The following GNPTAB variants were observed in gnomAD, a reference collection of about 807,000 sequenced individuals.
The protein encoded by GNPTAB is N-acetylglucosamine-1-phosphotransferase subunits alpha/beta.
Under a neutral mutation model 136.6 loss-of-function variants are expected in GNPTAB, and 92 were observed. The ratio of observed to expected loss-of-function variants is 0.67; its 90% CI spans 0.57 to 0.80. The LOEUF (loss-of-function observed/expected upper bound fraction) is 0.80. Among genes scored for constraint, GNPTAB ranks in the 30% least tolerant of loss-of-function variants. The pLI is 0.00. For missense variants in GNPTAB, 1,343 were observed against 1,501.8 expected, an observed-to-expected ratio of 0.89 and a Z score of 1.75; for synonymous variants, 512 against 535.1, an observed-to-expected ratio of 0.96 and a Z score of 0.60.
intron 7 of GNPTAB, among the ~76,000 whole-genome samples, chr12:101,776,102 C>T (rs1953259439): frequency 6.6e-6 from 1 of 152,212 alleles, no homozygotes; most frequent in Non-Finnish European, 1.5e-5. Flanking sequence ...TCTACATCTC[C>T]TCCACGTTTT....
Position 101,807,956 on chromosome 12 carries a change from G to A in GNPTAB, c.118-11194C>T, listed in dbSNP as rs12308642. ...AAGTGCTCTCCTATATAACAACAATGAACAATTGGAATTTGAAACTAAAAT... is the reference window on the plus strand; with the variant it reads ...AAGTGCTCTCCTATATAACAACAATAAACAATTGGAATTTGAAACTAAAAT... On this transcript the variant is annotated intron_variant, in intron 1 of 20. Transcript: ENST00000299314. Among the ~76,000 whole-genome samples, 553 of 152,166 alleles carry A rather than the reference G, an allele frequency of 3.6e-3. 3 individuals are homozygous for A. Among genetic ancestry groups the A allele is most frequent in the African/African-American group, 0.013 (532 of 41,514 alleles).
chr12:101,764,649 ATC>A lies in GNPTAB; in HGVS notation c.2266_2267del (p.Asp756Ter). ...GAGCCACCAAACTGTCATTTGTTTC[ATC>A]TGTTATTATAGCTTGATTTTTTATT... ...AKIKNQAIIT[D>X]ETNDSLVAPQ... On this transcript the variant is annotated frameshift_variant, in exon 13 of 21. Coordinates refer to ENST00000299314, the MANE Select transcript of GNPTAB (RefSeq NM_024312.5). LOFTEE classifies it high-confidence loss of function. 1.2e-6 allele frequency: 2 copies of A among 1,613,212 alleles called. No homozygotes were observed. The highest frequency in any genetic ancestry group is 1.7e-6 in the Non-Finnish European group (2 of 1,179,832).
chr12:101,764,588 T>C lies in GNPTAB; in HGVS notation c.2329A>G (p.Asn777Asp), dbSNP rs1953056835. Residue 777 changes from asparagine to aspartate, a missense_variant, in exon 13 of 21, where the codon AAC becomes GAC. By Grantham distance (23) the Asn-to-Asp change is conservative. Coordinates refer to ENST00000299314, the MANE Select transcript of GNPTAB (RefSeq NM_024312.5). Reference protein sequence around the residue: ...EKQVHKSILPNSLGVSERLQR... With the variant: ...EKQVHKSILPDSLGVSERLQR... ...AATCTTTCAGACACTCCTAAGCTGT[T>C]TGGCAAGATGCTTTTATGAACCTGT... The C allele has an allele frequency of 1.9e-6, 3 of 1,614,116 alleles. No individual in the cohort carries two copies. The highest frequency in any genetic ancestry group is 1.3e-5 in the African/African-American group (1 of 75,052).
rs570721990 is a variant in GNPTAB, at chr12:101,828,191, T to G, written c.117+2368A>C. The stretch of plus-strand genomic sequence containing the variant: ...GACCATTTAATGAGGGTCTGTTATG[T>G]AGTAGGAACTGTGTGAGGTGCTTTA... On this transcript the variant is annotated intron_variant, in intron 1 of 20. Coordinates refer to ENST00000299314, the MANE Select transcript of GNPTAB (RefSeq NM_024312.5). 6.7e-4 allele frequency among the ~76,000 whole-genome samples: 102 copies of G among 152,348 alleles called. No individual in the cohort carries two copies. The Middle Eastern group carries it at 0.01, about 15-fold the overall frequency.
chr12:101,772,668 G>A (rs566912049), intron 7 of GNPTAB, among the ~76,000 whole-genome samples: 105 of 152,244 alleles, frequency 6.9e-4, no homozygotes, highest in Non-Finnish European at 1.3e-3. Flanking sequence ...TGGGAGGCAG[G>A]CCACACAGGG....
chr12:101,801,539 C>CAAAAAAAAAAA (rs36066248), intron 1 of GNPTAB, among the ~76,000 whole-genome samples: 11 of 42,590 alleles, frequency 2.6e-4, no homozygotes, highest in African/African-American at 5.6e-4. Context: ...GACCCTGTCT[C>CAAAAAAAAAAA]AAAAAAAAAA....
At chr12:101,779,410 G>A (rs1007167367) in intron 7 of GNPTAB, 19 of 152,316 alleles carry the variant, frequency 1.2e-4, no homozygotes, top group African/African-American at 4.6e-4. Context: ...ACACCCACAT[G>A]GACTATGTCC....
intron 7 of GNPTAB, among the ~76,000 whole-genome samples, chr12:101,775,813 T>G (rs1953255222): frequency 6.6e-6 from 1 of 152,192 alleles, no homozygotes; most frequent in Non-Finnish European, 1.5e-5. Flanking sequence ...CAGAGAATTA[T>G]CTAAAAGAAA....
intron 7 of GNPTAB, among the ~76,000 whole-genome samples, chr12:101,772,962 A>G (rs1026000825): frequency 2.0e-4 from 30 of 152,200 alleles, no homozygotes; most frequent in African/African-American, 5.8e-4. Flanking sequence ...GATTACAGGC[A>G]AGCACCACCA....
At chr12:101,778,381 A>G (rs1253699127) in intron 7 of GNPTAB, 1 of 152,246 alleles carries the variant, frequency 6.6e-6, no homozygotes, top group African/African-American at 2.4e-5. Flanking sequence ...CTGGTGGTCA[A>G]AAGTACAGAT....
intron 5 of GNPTAB, among the ~76,000 whole-genome samples, chr12:101,782,278 G>A (rs1313524836): frequency 6.6e-6 from 1 of 151,950 alleles, no homozygotes; most frequent in African/African-American, 2.4e-5. Context: ...CACTAAAATA[G>A]GTATTTGAGC....
intron 1 of GNPTAB, among the ~76,000 whole-genome samples, chr12:101,823,896 T>C (rs1349182167): frequency 6.6e-6 from 1 of 152,126 alleles, no homozygotes; most frequent in Non-Finnish European, 1.5e-5. Flanking sequence ...CTTTACAACT[T>C]CTAGAGCAAG....
At chr12:101,830,427 C>T (rs980270046) in intron 1 of GNPTAB, 132 bp downstream of exon 1, 11 of 649,554 alleles carry the variant, frequency 1.7e-5, no homozygotes, top group African/African-American at 1.6e-4. Flanking sequence ...GAGTTCGAGA[C>T]CAGCCTGGGC....
At chr12:101,767,986 G>A in intron 11 of GNPTAB, 51 bp downstream of exon 11, 1 of 1,581,058 alleles carries the variant, frequency 6.3e-7, no homozygotes, top group Non-Finnish European at 8.7e-7. Context: ...TAATGATTAA[G>A]AAGAAAATAT....
At chr12:101,782,012 T>C (rs1294136198) in intron 5 of GNPTAB, among the ~76,000 whole-genome samples, 1 of 152,238 alleles carries the variant, frequency 6.6e-6, no homozygotes, top group Non-Finnish European at 1.5e-5. Flanking sequence ...GCAATCAACC[T>C]AGAGGGAGGT....
chr12:101,829,642 T>C (rs1339054083), intron 1 of GNPTAB, among the ~76,000 whole-genome samples: 2 of 152,132 alleles, frequency 1.3e-5, no homozygotes, highest in Non-Finnish European at 2.9e-5. Context: ...TACATTAAGT[T>C]GCAACACATG....
chr12:101,797,352 C>T (rs1869355833), intron 1 of GNPTAB, among the ~76,000 whole-genome samples: 2 of 152,058 alleles, frequency 1.3e-5, no homozygotes, highest in Non-Finnish European at 1.5e-5. Flanking sequence ...AGGCCGGGCA[C>T]GGTGGCTCAC....
intron 4 of GNPTAB, among the ~76,000 whole-genome samples, chr12:101,786,538 A>C (rs1868660517): frequency 1.3e-5 from 2 of 152,188 alleles, no homozygotes; most frequent in South Asian, 2.1e-4. Context: ...AATTCCAATA[A>C]AGCCCATTAT....
chr12:101,784,856 TA>T (rs1377772521), intron 5 of GNPTAB, among the ~76,000 whole-genome samples: 1 of 152,026 alleles, frequency 6.6e-6, no homozygotes, highest in African/African-American at 2.4e-5. Flanking sequence ...ATTTTACACA[TA>T]AAAACCACGG....
Sources: gnomAD v4.1 joint callset for allele counts (sites outside exome capture counted in the v4.1 genomes callset) on GRCh38, gnomAD v4.1.1 for gene constraint, MANE v1.5 for transcripts, NCBI Gene and HGNC (gene_info 2026-07-23, HGNC 2026-07-21) for gene names.